The following RASGRF2 variants were observed in gnomAD, a reference collection of about 807,000 sequenced individuals.
RASGRF2 encodes the protein ras-specific guanine nucleotide-releasing factor 2.
RASGRF2 carries 76 observed loss-of-function variants against 151.0 expected under a neutral mutation model. The ratio of observed to expected loss-of-function variants is 0.50; its 90% CI spans 0.42 to 0.61. The LOEUF (loss-of-function observed/expected upper bound fraction) is 0.61, where lower values mean the gene tolerates loss of function less well. Among genes scored for constraint, RASGRF2 ranks in the 20% least tolerant of loss-of-function variants. The pLI is 0.00. For synonymous variants in RASGRF2, 504 were observed against 566.5 expected, an observed-to-expected ratio of 0.89 and a Z score of 1.57; for missense variants, 1,148 against 1,564.6, an observed-to-expected ratio of 0.73 and a Z score of 4.49.
chr5:81,196,396 A>G (rs1346409099), intron 18 of RASGRF2, among the ~76,000 whole-genome samples: 1 of 152,248 alleles, frequency 6.6e-6, no homozygotes, highest in African/African-American at 2.4e-5. Context: ...TCTGCTTTGC[A>G]TTATATCAGA....
At chr5:81,053,404 C>G (rs1028273519) in intron 2 of RASGRF2, among the ~76,000 whole-genome samples, 6 of 151,548 alleles carry the variant, frequency 4.0e-5, no homozygotes, top group Admixed American at 4.0e-4. Flanking sequence ...CGATAGTTTG[C>G]TGAGAATGAT....
intron 13 of RASGRF2, among the ~76,000 whole-genome samples, chr5:81,110,214 C>T (rs1202270518): frequency 1.3e-5 from 2 of 152,182 alleles, no homozygotes; most frequent in Admixed American, 6.5e-5. Context: ...TTTGTAAGCA[C>T]TCACTTCCTT....
chr5:81,195,843 A>G (rs1041889436), intron 18 of RASGRF2, among the ~76,000 whole-genome samples: 6 of 152,108 alleles, frequency 3.9e-5, no homozygotes, highest in African/African-American at 1.4e-4. Flanking sequence ...CCATTTCCCC[A>G]TGCTTCTCAT....
intron 25 of RASGRF2, 101 bp downstream of exon 25, chr5:81,217,574 C>CAT: frequency 5.6e-6 from 1 of 179,728 alleles, no homozygotes. Flanking sequence ...TTTTTCTCTT[C>CAT]TTTTTTTTTT....
intron 12 of RASGRF2, among the ~76,000 whole-genome samples, chr5:81,108,657 C>A (rs1021519810): frequency 6.6e-6 from 1 of 152,168 alleles, no homozygotes; most frequent in African/African-American, 2.4e-5. Flanking sequence ...TCTCAAATAG[C>A]ATTGGAGCTG....
chr5:81,020,813 T>C (rs1749799666), intron 1 of RASGRF2, among the ~76,000 whole-genome samples: 1 of 151,528 alleles, frequency 6.6e-6, no homozygotes, highest in African/African-American at 2.4e-5. Flanking sequence ...GAGAAGGGAG[T>C]TGACATTTGT....
chr5:81,186,130 C>T (rs1755020622), intron 18 of RASGRF2, among the ~76,000 whole-genome samples: 1 of 152,204 alleles, frequency 6.6e-6, no homozygotes, highest in African/African-American at 2.4e-5. Flanking sequence ...CAAAGAGACA[C>T]ATTTTTAGCT....
intron 12 of RASGRF2, among the ~76,000 whole-genome samples, chr5:81,102,710 AAAG>A (rs1338540033): frequency 6.6e-5 from 10 of 152,032 alleles, no homozygotes; most frequent in African/African-American, 2.4e-4. Flanking sequence ...AAAAAAAAAA[AAAG>A]AATGTGTCTG....
intron 1 of RASGRF2, among the ~76,000 whole-genome samples, chr5:80,995,401 C>CAT (rs1748813692): frequency 1.3e-4 from 2 of 15,860 alleles, no homozygotes; most frequent in African/African-American, 2.1e-4. Context: ...TATATATATA[C>CAT]ACACACACAC....
intron 1 of RASGRF2, among the ~76,000 whole-genome samples, chr5:80,992,688 C>T (rs998107779): frequency 7.9e-5 from 12 of 152,118 alleles, no homozygotes; most frequent in Admixed American, 5.9e-4. Flanking sequence ...TCACTATTTT[C>T]AGTCTTTTTT....
At chr5:81,089,943 G>C (rs79397144) in intron 9 of RASGRF2, among the ~76,000 whole-genome samples, 3,131 of 152,294 alleles carry the variant, frequency 0.021, 97 homozygotes, top group African/African-American at 0.073. Flanking sequence ...TGAATATTTA[G>C]TAGAAGATAA....
Position 81,094,955 on chromosome 5 carries a change from G to A in RASGRF2, c.1718G>A (p.Arg573His), listed in dbSNP as rs751492644. The change falls in exon 12 of 27, where the codon CGC becomes CAC. Residue 573 changes from arginine to histidine, a missense_variant. Physicochemically the swap from Arg to His is conservative, Grantham distance 29. Transcript: ENST00000265080. ...ACTGTTGTCTTGTTAGCACCCTCAC[G>A]CCAGGAGAAAGCTGCCTGGATGAGT... Reference protein sequence around the residue: ...AFTVVLLAPSRQEKAAWMSDI... With the variant: ...AFTVVLLAPSHQEKAAWMSDI... 1.0e-5 allele frequency: 16 copies of A among 1,585,440 alleles called. No homozygotes were observed. In the South Asian group the frequency reaches 1.0e-4, roughly 10 times the overall value.
At chr5:81,104,358 A>G (rs1426565767) in intron 12 of RASGRF2, among the ~76,000 whole-genome samples, 1 of 152,088 alleles carries the variant, frequency 6.6e-6, no homozygotes, top group Admixed American at 6.5e-5. Flanking sequence ...TTCTAACTAT[A>G]AAGTCCTATA....
chr5:81,063,911 T>C (rs1011357245), intron 2 of RASGRF2, among the ~76,000 whole-genome samples: 20 of 152,224 alleles, frequency 1.3e-4, no homozygotes, highest in Non-Finnish European at 1.9e-4. Flanking sequence ...GTACCTTTTT[T>C]CCTGAATTAG....
chr5:81,160,730 G>T (rs1325098894), intron 17 of RASGRF2, among the ~76,000 whole-genome samples: 1 of 139,490 alleles, frequency 7.2e-6, no homozygotes, highest in Non-Finnish European at 1.6e-5. Flanking sequence ...AGTCAACCAG[G>T]TATGGTGGCA....
Position 80,991,850 on chromosome 5 carries a change from CCTGA to C in RASGRF2, c.288+30827_288+30830del, listed in dbSNP as rs532234545. Among the ~76,000 whole-genome samples the C allele has an allele frequency of 1.3e-4, 20 of 152,244 alleles. No individual in the cohort carries two copies. The East Asian group carries it at 1.9e-3, about 15-fold the overall frequency. ...CTTTGCCAGGGACAGTGGCTTTTAA[CCTGA>C]CTAACAACACATGTGAATTCTGGAG... On this transcript the variant is annotated intron_variant, in intron 1 of 26. Coordinates refer to ENST00000265080, the MANE Select transcript of RASGRF2 (RefSeq NM_006909.3).
chr5:81,076,288 A>G (rs1310252139), intron 5 of RASGRF2, among the ~76,000 whole-genome samples: 1 of 152,218 alleles, frequency 6.6e-6, no homozygotes, highest in Admixed American at 6.5e-5. Flanking sequence ...TGAAGAGGGT[A>G]AAAGAAGGAT....
intron 24 of RASGRF2, among the ~76,000 whole-genome samples, chr5:81,216,379 A>T (rs61112032): frequency 6.8e-6 from 1 of 146,494 alleles, no homozygotes; most frequent in Admixed American, 6.7e-5. Context: ...GCACACACAC[A>T]CACACAAACA....
At position 81,047,495 on chromosome 5, in the gene RASGRF2, A is replaced by T. The variant is rs554138015; in HGVS notation, c.395+4512A>T. Among the ~76,000 whole-genome samples the T allele has an allele frequency of 4.6e-5, 7 of 152,354 alleles. No individual in the cohort carries two copies. The South Asian group carries it at 1.0e-3, about 23-fold the overall frequency. ...CTTTTGCCTGCTTTCTGATTTCTTC[A>T]GCTGAACCTGCTCAAATCTCCACCT... On this transcript the variant is annotated intron_variant, in intron 2 of 26. Transcript: ENST00000265080.
Sources: allele counts gnomAD v4.1 joint callset (sites outside exome capture counted in the v4.1 genomes callset), GRCh38; gene constraint gnomAD v4.1.1; transcripts MANE v1.5; gene names NCBI Gene and HGNC (gene_info 2026-07-23, HGNC 2026-07-21).